CSRNP3: variants seen among roughly 807,000 people sequenced by gnomAD.
The protein encoded by CSRNP3 is cysteine and serine rich nuclear protein 3, also known as cysteine/serine-rich nuclear protein 3.
CSRNP3 carries 12 observed loss-of-function variants against 48.0 expected under a neutral mutation model. The ratio of observed to expected loss-of-function variants is 0.25; its 90% CI spans 0.16 to 0.41. CSRNP3 has a LOEUF of 0.41. Ranked by LOEUF, CSRNP3 falls within the 10% of genes least tolerant of loss-of-function variation. The probability of loss-of-function intolerance (pLI) is 1.00; values close to 1 mark genes in which losing one functional copy is unlikely to be tolerated. For synonymous variants in CSRNP3, 263 were observed against 269.7 expected (o/e 0.98, Z 0.24); for missense variants, 580 against 724.4 (o/e 0.80, Z 2.29).
intron 3 of CSRNP3, among the ~76,000 whole-genome samples, chr2:165,547,473 G>A (rs189189359): frequency 6.6e-5 from 10 of 152,218 alleles, no homozygotes; most frequent in African/African-American, 2.4e-4. Flanking sequence ...CCAGTCTGGA[G>A]TGTGTTTGTT....
intron 4 of CSRNP3, among the ~76,000 whole-genome samples, chr2:165,633,324 T>G (rs562764178): frequency 1.7e-4 from 26 of 152,354 alleles, no homozygotes; most frequent in African/African-American, 5.5e-4. Context: ...AGCGGATTTA[T>G]AGTCTCTGTC....
At chr2:165,541,935 A>C (rs1448260664) in intron 3 of CSRNP3, among the ~76,000 whole-genome samples, 1 of 152,124 alleles carries the variant, frequency 6.6e-6, no homozygotes, top group Non-Finnish European at 1.5e-5. Context: ...ATAGGTAGAG[A>C]CCAAAATTGC....
At chr2:165,475,070 C>A (rs1386348303) in intron 1 of CSRNP3, among the ~76,000 whole-genome samples, 1 of 152,074 alleles carries the variant, frequency 6.6e-6, no homozygotes, top group Non-Finnish European at 1.5e-5. Context: ...TTTCTCTCCT[C>A]AGGTTAGGCT....
intron 3 of CSRNP3, among the ~76,000 whole-genome samples, chr2:165,554,016 T>C (rs1363451361): frequency 6.6e-6 from 1 of 152,244 alleles, no homozygotes; most frequent in Non-Finnish European, 1.5e-5. Context: ...TCATCAAAAC[T>C]GCTTGTGAAG....
chr2:165,642,483 G>T (rs1015627869), intron 4 of CSRNP3, among the ~76,000 whole-genome samples: 4 of 151,748 alleles, frequency 2.6e-5, no homozygotes, highest in Non-Finnish European at 4.4e-5. Flanking sequence ...TTATTTTTTT[G>T]CAAGAATTGC....
rs537255693 is a variant in CSRNP3 at position 165,678,724 on chromosome 2, C to T, written c.729C>T (p.Cys243=). The T allele has an allele frequency of 3.0e-5, 48 of 1,613,580 alleles. No homozygotes were observed. Among genetic ancestry groups the T allele is most frequent in the South Asian group, 2.3e-4 (21 of 91,020 alleles). The change falls in exon 7 of 7, where the codon TGC becomes TGT. Residue 243 remains cysteine (C), a synonymous_variant. Coordinates refer to ENST00000651982, the MANE Select transcript of CSRNP3 (RefSeq NM_001172173.2). ...KCQVDRMSFP[C]GCTKEGCSNT... is the part of the protein sequence containing the mutation. Reference sequence around the variant, plus strand: ...AGGTGGATCGTATGTCTTTCCCATGCGGCTGCACTAAAGAAGGATGTAGTA... The same window carrying T: ...AGGTGGATCGTATGTCTTTCCCATGTGGCTGCACTAAAGAAGGATGTAGTA...
chr2:165,676,660 C>G (rs763485784), intron 6 of CSRNP3, 52 bp downstream of exon 6: 9 of 1,526,026 alleles, frequency 5.9e-6, no homozygotes, highest in African/African-American at 2.7e-5. Flanking sequence ...TCTACCACCC[C>G]CTAAGGAGGC....
At chr2:165,582,010 T>C (rs1333922989) in intron 3 of CSRNP3, among the ~76,000 whole-genome samples, 1 of 152,178 alleles carries the variant, frequency 6.6e-6, no homozygotes, top group Non-Finnish European at 1.5e-5. Flanking sequence ...TATAATCAAG[T>C]TTGAGAAAAA....
At chr2:165,599,343 G>GAAAA (rs1407614868) in intron 4 of CSRNP3, among the ~76,000 whole-genome samples, 5 of 149,196 alleles carry the variant, frequency 3.4e-5, no homozygotes, top group African/African-American at 1.2e-4. Flanking sequence ...AAGAAAAAAA[G>GAAAA]AAAGACGAAA....
At position 165,595,191 on chromosome 2, in the gene CSRNP3, A is replaced by C. The variant is rs772758656; in HGVS notation, c.126A>C (p.Pro42=). 3.7e-6 allele frequency: 6 copies of C among 1,613,622 alleles called. No individual in the cohort carries two copies. Among genetic ancestry groups the C allele is most frequent in the Non-Finnish European group, 1.7e-6 (2 of 1,179,726 alleles). ...ESADSGDSVN[P]STSSHFTPSS... is the part of the protein sequence containing the mutation. ...CTGACAGTGGGGACAGTGTCAATCC[A>C]TCCACTTCTAGTCATTTTACCCGTG... The change falls in exon 4 of 7, where the codon CCA becomes CCC. Residue 42 remains proline (P), a synonymous_variant. Transcript: ENST00000651982.
In CSRNP3 at chr2:165,688,079, A is replaced by G; in HGVS notation, c.*8326A>G. ...AAAAGGCTAATGCTATAGAATGATC[A>G]TGTAAAGAATGTTGAATAAAATTTG... On this transcript the variant is annotated 3_prime_UTR_variant, in exon 7 of 7. Transcript: ENST00000651982. The G allele has an allele frequency of 6.6e-6, 1 of 151,504 alleles. No homozygotes were observed. 9.4% of individuals were successfully genotyped at this position (151,504 alleles called of 1,614,324 possible). A position where few individuals can be genotyped will look rare whatever the true frequency, so the allele number is the denominator to read the frequency against.
intron 5 of CSRNP3, among the ~76,000 whole-genome samples, chr2:165,669,574 C>G (rs544805718): frequency 1.4e-4 from 21 of 152,272 alleles, no homozygotes; most frequent in Admixed American, 9.2e-4. Context: ...TCCCATCCCT[C>G]AGGTATGTTT....
At chr2:165,543,583 T>C (rs1684985632) in intron 3 of CSRNP3, among the ~76,000 whole-genome samples, 1 of 152,182 alleles carries the variant, frequency 6.6e-6, no homozygotes, top group South Asian at 2.1e-4. Flanking sequence ...TCTTTTCTTT[T>C]TTTCAAGATT....
intron 1 of CSRNP3, among the ~76,000 whole-genome samples, chr2:165,492,201 T>C (rs1684222007): frequency 6.6e-6 from 1 of 152,150 alleles, no homozygotes; most frequent in East Asian, 1.9e-4. Context: ...CCATCACTTC[T>C]ACCTTCTTTA....
At position 165,682,660 on chromosome 2, in the gene CSRNP3, T is replaced by A. The variant is rs1305842326; in HGVS notation, c.*2907T>A. On this transcript the variant is annotated 3_prime_UTR_variant, in exon 7 of 7. Coordinates refer to ENST00000651982, the MANE Select transcript of CSRNP3 (RefSeq NM_001172173.2). ...CATACTTATGATGGAATCATTTCAT[T>A]TTTAGTTCCTTTCCCAGAAAAGCTG... 6.6e-6 allele frequency: 1 copy of A among 152,144 alleles called. No homozygotes were observed. The highest frequency in any genetic ancestry group is 2.4e-5 in the African/African-American group (1 of 41,432). The allele number at this position is 152,144 out of a possible 1,614,324, so 9.4% of individuals were successfully genotyped here.
intron 4 of CSRNP3, among the ~76,000 whole-genome samples, chr2:165,604,495 A>T (rs540232794): frequency 4.6e-5 from 7 of 152,244 alleles, no homozygotes; most frequent in Non-Finnish European, 1.0e-4. Flanking sequence ...TATAATTTTG[A>T]TGAGTGTCAT....
intron 4 of CSRNP3, among the ~76,000 whole-genome samples, chr2:165,630,214 T>C (rs1197655862): frequency 6.6e-6 from 1 of 152,228 alleles, no homozygotes; most frequent in African/African-American, 2.4e-5. Flanking sequence ...AATTCTGGCG[T>C]TCTTAGGAAA....
chr2:165,591,226 G>C (rs1685712268), intron 3 of CSRNP3, among the ~76,000 whole-genome samples: 1 of 152,202 alleles, frequency 6.6e-6, no homozygotes. Flanking sequence ...AAAGAGACTG[G>C]CAGCATTTTG....
At chr2:165,571,332 TAGAC>T (rs1685370783) in intron 3 of CSRNP3, among the ~76,000 whole-genome samples, 1 of 152,004 alleles carries the variant, frequency 6.6e-6, no homozygotes, top group Non-Finnish European at 1.5e-5. Context: ...CATTTTAATT[TAGAC>T]AGTCATTAAA....
Sources: gnomAD v4.1 joint callset for allele counts (sites outside exome capture counted in the v4.1 genomes callset) on GRCh38, gnomAD v4.1.1 for gene constraint, MANE v1.5 for transcripts, NCBI Gene and HGNC (gene_info 2026-07-23, HGNC 2026-07-21) for gene names.